TBC1D8: variants seen among roughly 807,000 people sequenced by gnomAD.
TBC1D8 encodes TBC1 domain family member 8, also known as BUB2-like protein 1.
Under a neutral mutation model 118.8 loss-of-function variants are expected in TBC1D8, and 65 were observed. The ratio of observed to expected loss-of-function variants is 0.55; its 90% CI spans 0.45 to 0.67. The LOEUF is 0.67. Among genes scored for constraint, TBC1D8 ranks in the 30% least tolerant of loss-of-function variants. TBC1D8 has a pLI of 0.00. For missense variants in TBC1D8, 1,376 were observed against 1,471.2 expected, an observed-to-expected ratio of 0.94 and a Z score of 1.06; for synonymous variants, 566 against 595.8, an observed-to-expected ratio of 0.95 and a Z score of 0.73.
chr2:101,027,056 G>A (rs144042451), intron 15 of TBC1D8, among the ~76,000 whole-genome samples: 5 of 152,318 alleles, frequency 3.3e-5, no homozygotes, highest in South Asian at 2.1e-4. Flanking sequence ...CCCAGAGCCC[G>A]CACTCACTAG....
In TBC1D8 at chr2:101,050,415, G is replaced by T; in HGVS notation, c.858C>A (p.Ser286Arg). ...FDLDPDLQEP[S>R]QITKRDLEAR... ...GTCACTTTCACCTCTTGGTGATCTG[G>T]CTCGGCTCCTGCAGATCGGGGTCGA... The change falls in exon 5 of 20, where the codon AGC becomes AGA. Residue 286 changes from serine to arginine, a missense_variant. Ser to Arg is a moderately radical substitution (Grantham distance 110, BLOSUM62 -1). Transcript: ENST00000409318. 2 of 1,613,092 alleles carry T rather than the reference G, an allele frequency of 1.2e-6. No homozygotes were observed. Among genetic ancestry groups the T allele is most frequent in the Non-Finnish European group, 8.5e-7 (1 of 1,179,836 alleles).
chr2:101,024,768 C>A (rs901987279), intron 15 of TBC1D8, among the ~76,000 whole-genome samples: 2 of 152,046 alleles, frequency 1.3e-5, no homozygotes. Context: ...TGAATATATA[C>A]GTCACCCATG....
chr2:101,011,336 A>C, intron 18 of TBC1D8, 115 bp downstream of exon 18: 2 of 1,100,728 alleles, frequency 1.8e-6, no homozygotes, highest in South Asian at 2.7e-5. Context: ...GGGATAATTC[A>C]TTGGACGAAG....
At chr2:101,027,902 C>T in intron 14 of TBC1D8, 146 bp downstream of exon 14, 1 of 709,726 alleles carries the variant, frequency 1.4e-6, no homozygotes, top group Non-Finnish European at 2.4e-6. Context: ...ATTGTTTCTA[C>T]ACTACTTCAC....
intron 1 of TBC1D8, among the ~76,000 whole-genome samples, chr2:101,094,799 C>T (rs1488109993): frequency 6.6e-6 from 1 of 152,186 alleles, no homozygotes; most frequent in African/African-American, 2.4e-5. Context: ...GAAGTTATCA[C>T]TCCCATATAT....
chr2:101,135,180 A>G (rs1307112815), intron 1 of TBC1D8, among the ~76,000 whole-genome samples: 1 of 152,188 alleles, frequency 6.6e-6, no homozygotes, highest in Non-Finnish European at 1.5e-5. Flanking sequence ...TCAAAAAAAG[A>G]AAAAAGAAAC....
chr2:101,057,838 C>G (rs1267223314), intron 3 of TBC1D8, among the ~76,000 whole-genome samples: 2 of 151,862 alleles, frequency 1.3e-5, no homozygotes. Context: ...AAACAACCAA[C>G]AAAAATAAAC....
chr2:101,036,235 C>T, intron 8 of TBC1D8, 67 bp from the exon 9 acceptor site: 1 of 1,567,550 alleles, frequency 6.4e-7, no homozygotes, highest in Non-Finnish European at 8.7e-7. Flanking sequence ...CACCGATGCA[C>T]CGCTGGCAAT....
chr2:101,029,313 TG>T (rs1680530323), intron 12 of TBC1D8, among the ~76,000 whole-genome samples, 177 bp downstream of exon 12: 2 of 150,982 alleles, frequency 1.3e-5, no homozygotes, highest in South Asian at 4.2e-4. Flanking sequence ...CATTTGAAGC[TG>T]GGAGGCGGAG....
intron 1 of TBC1D8, among the ~76,000 whole-genome samples, chr2:101,105,578 ACT>A (rs1463340101): frequency 7.0e-6 from 1 of 143,396 alleles, no homozygotes; most frequent in Admixed American, 7.4e-5. Flanking sequence ...GACAGACCAG[ACT>A]CTGTCTCAAA....
intron 11 of TBC1D8, among the ~76,000 whole-genome samples, chr2:101,031,272 G>A (rs750818623): frequency 8.5e-5 from 13 of 152,194 alleles, no homozygotes; most frequent in South Asian, 6.2e-4. Context: ...CGAAGGAGCC[G>A]GTGTGCACGG....
intron 7 of TBC1D8, 65 bp downstream of exon 7, chr2:101,038,396 T>TC: frequency 6.5e-7 from 1 of 1,549,656 alleles, no homozygotes; most frequent in Middle Eastern, 1.7e-4. Flanking sequence ...CCATGTGTAC[T>TC]CCCCTTTGGA....
rs3739014 is a variant in TBC1D8, at chr2:101,022,426, A to G, written c.2616T>C (p.Asp872=). Residue 872 remains aspartate, a synonymous_variant, in exon 16 of 20, where the codon GAT becomes GAC. Transcript: ENST00000409318. ...GAAACAGGTGTGCAAACTGCCGGGC[A>G]TCTATGCGGTACTGCTCAGCATAGG... ...SRPYAEQYRI[D]ARQFAHLFQL... 1,039,292 of 1,612,174 alleles carry G rather than the reference A, an allele frequency of 0.64. 339,669 individuals are homozygous for G. The highest frequency in any genetic ancestry group is 0.69 in the Middle Eastern group (4,171 of 6,050).
At chr2:101,020,085 A>C (rs1679938484) in intron 17 of TBC1D8, among the ~76,000 whole-genome samples, 1 of 151,984 alleles carries the variant, frequency 6.6e-6, no homozygotes, top group Non-Finnish European at 1.5e-5. Flanking sequence ...AAAAAAAAAA[A>C]AAAGACAGTT....
chr2:101,094,897 C>A lies in TBC1D8; in HGVS notation c.128-4533G>T, dbSNP rs114774697. Among the ~76,000 whole-genome samples, 492 of 152,242 alleles carry A rather than the reference C, an allele frequency of 3.2e-3. 3 individuals are homozygous for A. Among genetic ancestry groups the A allele is most frequent in the Middle Eastern group, 0.017 (5 of 294 alleles). ...AAGGGCATAGGTTAAACCACAACCT[C>A]GAAATGTAGAGAGAGATGGAAGAAT... On this transcript the variant is annotated intron_variant, in intron 1 of 19. Transcript: ENST00000409318.
In TBC1D8 at chr2:101,022,347, T is replaced by C; in HGVS notation, c.2695A>G (p.Thr899Ala). 1 of 1,612,502 alleles carries C rather than the reference T, an allele frequency of 6.2e-7. No homozygotes were observed. The highest frequency in any genetic ancestry group is 8.5e-7 in the Non-Finnish European group (1 of 1,179,560). Residue 899 changes from threonine (T) to alanine (A), a missense_variant, in exon 16 of 20, where the codon ACG becomes GCG. Physicochemically the swap from Thr to Ala is moderately conservative, Grantham distance 58. Coordinates refer to ENST00000409318, the MANE Select transcript of TBC1D8 (RefSeq NM_001330348.2). Reference protein sequence around the residue: ...GAHTEILAERTFRLLDDNMDQ... With the variant: ...GAHTEILAERAFRLLDDNMDQ... ...ATGTTGTCATCCAAGAGCCTGAACG[T>C]CCTTTCGGCGAGGATCTCCGTGTGG...
chr2:101,141,824 C>T (rs1185239910), intron 1 of TBC1D8, among the ~76,000 whole-genome samples: 1 of 150,222 alleles, frequency 6.7e-6, no homozygotes, highest in Non-Finnish European at 1.5e-5. Context: ...CACACACACA[C>T]ATACACAAGG....
At chr2:101,037,452 G>T in intron 8 of TBC1D8, 80 bp downstream of exon 8, 1 of 1,547,084 alleles carries the variant, frequency 6.5e-7, no homozygotes, top group East Asian at 2.2e-5. Flanking sequence ...CACGTTCCAT[G>T]GTGACTCAGA....
chr2:101,124,112 C>T (rs1678248274), intron 1 of TBC1D8, among the ~76,000 whole-genome samples: 1 of 152,206 alleles, frequency 6.6e-6, no homozygotes, highest in Non-Finnish European at 1.5e-5. Flanking sequence ...GCCATAAACC[C>T]TCTGTCAACC....
Sources: allele counts gnomAD v4.1 joint callset (sites outside exome capture counted in the v4.1 genomes callset), GRCh38; gene constraint gnomAD v4.1.1; transcripts MANE v1.5; gene names NCBI Gene and HGNC (gene_info 2026-07-23, HGNC 2026-07-21).